The following PTPRT variants were observed in gnomAD, a reference collection of about 807,000 sequenced individuals.
PTPRT encodes protein tyrosine phosphatase receptor type T.
PTPRT carries 56 observed loss-of-function variants against 176.8 expected under a neutral mutation model. The observed-to-expected ratio is 0.32, with a 90% CI of 0.26 to 0.40. The LOEUF is 0.40. PTPRT is among the 10% of genes least tolerant of loss of function. PTPRT has a pLI of 1.00. For missense variants in PTPRT, 1,540 were observed against 1,908.2 expected (o/e 0.81, Z 3.60); for synonymous variants, 783 against 739.0 (o/e 1.06, Z -0.96).
chr20:42,711,584 C>G (rs1385957155), intron 6 of PTPRT, among the ~76,000 whole-genome samples: 2 of 152,134 alleles, frequency 1.3e-5, no homozygotes, highest in African/African-American at 4.8e-5. Flanking sequence ...TCATATACAG[C>G]TTACACAACC....
intron 7 of PTPRT, among the ~76,000 whole-genome samples, chr20:42,666,876 A>G (rs1310838461): frequency 6.6e-6 from 1 of 152,232 alleles, no homozygotes; most frequent in Non-Finnish European, 1.5e-5. Flanking sequence ...TGACCATAGC[A>G]TTGAAATCTT....
intron 9 of PTPRT, among the ~76,000 whole-genome samples, chr20:42,424,173 A>G (rs1480571514): frequency 6.6e-6 from 1 of 152,152 alleles, no homozygotes; most frequent in Non-Finnish European, 1.5e-5. Flanking sequence ...CCCTTAAAAC[A>G]TTTTTGTTCT....
chr20:42,247,984 C>T (rs1041122988), intron 14 of PTPRT, among the ~76,000 whole-genome samples: 3 of 152,162 alleles, frequency 2.0e-5, no homozygotes, highest in Admixed American at 1.3e-4. Flanking sequence ...TGGTGTAGTA[C>T]ATCTTGGAAA....
intron 1 of PTPRT, among the ~76,000 whole-genome samples, chr20:42,932,524 G>T (rs989961095): frequency 1.3e-5 from 2 of 152,228 alleles, no homozygotes; most frequent in Non-Finnish European, 2.9e-5. Flanking sequence ...GGTAAGAAAG[G>T]AAGAGAGCCT....
intron 15 of PTPRT, among the ~76,000 whole-genome samples, chr20:42,205,076 G>A (rs1301600993): frequency 8.6e-6 from 1 of 115,680 alleles, no homozygotes; most frequent in Non-Finnish European, 1.7e-5. Context: ...TGGTGGGGTG[G>A]GGGGAGGGGG....
chr20:42,498,835 C>T (rs2071698909), intron 7 of PTPRT, among the ~76,000 whole-genome samples: 3 of 152,190 alleles, frequency 2.0e-5, no homozygotes, highest in Middle Eastern at 6.8e-3. Context: ...ACCTGGAAGC[C>T]CCACACTCTA....
intron 2 of PTPRT, among the ~76,000 whole-genome samples, chr20:42,816,970 T>G (rs1346614008): frequency 6.6e-6 from 1 of 152,092 alleles, no homozygotes; most frequent in Non-Finnish European, 1.5e-5. Context: ...GAAGGGGAGA[T>G]CAACAATGTC....
intron 16 of PTPRT, among the ~76,000 whole-genome samples, chr20:42,181,042 C>T (rs1335601487): frequency 6.6e-6 from 1 of 152,220 alleles, no homozygotes; most frequent in African/African-American, 2.4e-5. Context: ...AATGATATAA[C>T]GTATGCACAG....
intron 1 of PTPRT, among the ~76,000 whole-genome samples, chr20:43,078,897 G>A (rs1001800151): frequency 1.2e-4 from 18 of 152,082 alleles, no homozygotes; most frequent in East Asian, 9.7e-4. Context: ...TCTTCTTGCC[G>A]GCTGCTCTCT....
chr20:43,068,383 G>A (rs1287031025), intron 1 of PTPRT, among the ~76,000 whole-genome samples: 3 of 151,142 alleles, frequency 2.0e-5, no homozygotes, highest in African/African-American at 7.3e-5. Flanking sequence ...CGGGGAACCT[G>A]TAGTCCCAGC....
intron 7 of PTPRT, among the ~76,000 whole-genome samples, chr20:42,520,579 C>T (rs1462520375): frequency 2.6e-5 from 4 of 152,076 alleles, no homozygotes; most frequent in Non-Finnish European, 5.9e-5. Context: ...TTTCCCAGTG[C>T]AATTTATTTG....
intron 6 of PTPRT, among the ~76,000 whole-genome samples, chr20:42,750,244 T>TA (rs1281509556): frequency 6.6e-6 from 1 of 152,112 alleles, no homozygotes; most frequent in Admixed American, 6.6e-5. Flanking sequence ...AATAGTAATG[T>TA]AAAAAATATG....
intron 1 of PTPRT, among the ~76,000 whole-genome samples, chr20:43,182,400 T>A (rs1367983617): frequency 6.6e-6 from 1 of 151,990 alleles, no homozygotes; most frequent in Non-Finnish European, 1.5e-5. Context: ...CCTTCTTTTT[T>A]TTTTTTCCGA....
At chr20:43,013,449 A>G (rs924720718) in intron 1 of PTPRT, among the ~76,000 whole-genome samples, 1 of 152,230 alleles carries the variant, frequency 6.6e-6, no homozygotes. Flanking sequence ...CTGAAGAGAC[A>G]GAAAACAATG....
intron 7 of PTPRT, among the ~76,000 whole-genome samples, chr20:42,528,713 G>T (rs189943468): frequency 1.3e-5 from 2 of 152,192 alleles, no homozygotes; most frequent in Admixed American, 1.3e-4. Flanking sequence ...ACTAAAAACG[G>T]TTCATTATCT....
intron 14 of PTPRT, among the ~76,000 whole-genome samples, chr20:42,244,624 T>C (rs1010797891): frequency 3.3e-5 from 5 of 152,202 alleles, no homozygotes; most frequent in Non-Finnish European, 7.3e-5. Context: ...TGTTTCCCTA[T>C]GCATAAGTGC....
At chr20:42,721,068 A>G (rs1325439733) in intron 6 of PTPRT, among the ~76,000 whole-genome samples, 1 of 152,200 alleles carries the variant, frequency 6.6e-6, no homozygotes. Context: ...CTCTACACAG[A>G]CAGCACTCCT....
chr20:43,054,388 T>C (rs1237782104), intron 1 of PTPRT, among the ~76,000 whole-genome samples: 1 of 152,030 alleles, frequency 6.6e-6, no homozygotes, highest in Non-Finnish European at 1.5e-5. Context: ...ACTTCGTCTC[T>C]ACAAAAAATA....
chr20:42,101,964 C>T (rs1985981638), intron 26 of PTPRT, among the ~76,000 whole-genome samples, 160 bp downstream of exon 26: 7 of 152,154 alleles, frequency 4.6e-5, no homozygotes, highest in Admixed American at 3.9e-4. Flanking sequence ...TAGGTTTGGA[C>T]CAGAGCCTGC....
Sources: allele counts gnomAD v4.1 joint callset (sites outside exome capture counted in the v4.1 genomes callset), GRCh38; gene constraint gnomAD v4.1.1; transcripts MANE v1.5; gene names NCBI Gene and HGNC (gene_info 2026-07-23, HGNC 2026-07-21).